CLTCL1: variants seen among roughly 807,000 people sequenced by gnomAD.
CLTCL1 encodes the protein clathrin heavy chain like 1, also known as clathrin heavy chain 2.
In CLTCL1, 159 loss-of-function variants were observed where a neutral mutation model predicts 190.0. That is an observed-to-expected ratio of 0.84 (90% CI 0.74 to 0.95). The LOEUF is 0.95. Among genes scored for constraint, CLTCL1 ranks in the 40% least tolerant of loss-of-function variants. CLTCL1 has a pLI of 0.00. For missense variants in CLTCL1, 1,878 were observed against 2,033.4 expected, an observed-to-expected ratio of 0.92 and a Z score of 1.47; for synonymous variants, 752 against 769.6, an observed-to-expected ratio of 0.98 and a Z score of 0.38.
chr22:19,255,909 C>CA (rs545204392), intron 2 of CLTCL1, among the ~76,000 whole-genome samples: 2,915 of 72,332 alleles, frequency 0.04, 92 homozygotes, highest in African/African-American at 0.11. Context: ...GACTCTGTCT[C>CA]AAAAAAAAAA....
At chr22:19,270,568 A>G (rs2518861) in intron 2 of CLTCL1, among the ~76,000 whole-genome samples, 1 of 151,770 alleles carries the variant, frequency 6.6e-6, no homozygotes, top group South Asian at 2.1e-4. Context: ...TCTACTAAAA[A>G]TACAAAAAAT....
chr22:19,217,068 T>C (rs1274129236), intron 18 of CLTCL1, among the ~76,000 whole-genome samples: 4 of 152,152 alleles, frequency 2.6e-5, no homozygotes, highest in Non-Finnish European at 5.9e-5. Flanking sequence ...TAAAGGAACC[T>C]AGGGTCAAGG....
Position 19,183,432 on chromosome 22 carries a change from G to A in CLTCL1, c.4785C>T (p.Ala1595=), listed in dbSNP as rs782637836. 1.5e-5 allele frequency: 25 copies of A among 1,613,484 alleles called. No homozygotes were observed. Among genetic ancestry groups the A allele is most frequent in the Non-Finnish European group, 2.0e-5 (24 of 1,179,900 alleles). Residue 1595 remains alanine (A), a synonymous_variant, in exon 30 of 33, where the codon GCC becomes GCT. Transcript: ENST00000427926. ...LAWRHNLVDL[A]MPYFIQVMRE... ...TCATCACCTGGATGAAGTAGGGCATGGCCAAGTCCACGAGGTTGTGCCTCC... is the reference window on the plus strand; with the variant it reads ...TCATCACCTGGATGAAGTAGGGCATAGCCAAGTCCACGAGGTTGTGCCTCC...
chr22:19,185,066 A>ACACGCTGT (rs1367056909), intron 29 of CLTCL1, among the ~76,000 whole-genome samples: 1 of 152,244 alleles, frequency 6.6e-6, no homozygotes, highest in Non-Finnish European at 1.5e-5. Context: ...CCCTGACTGG[A>ACACGCTGT]CACGCTGTGA....
intron 29 of CLTCL1, among the ~76,000 whole-genome samples, chr22:19,185,719 C>A (rs921900238): frequency 6.6e-6 from 1 of 152,232 alleles, no homozygotes; most frequent in East Asian, 1.9e-4. Flanking sequence ...GGCCAGTAGG[C>A]CTCTGGCAGC....
chr22:19,219,354 T>C (rs191855734), intron 18 of CLTCL1, among the ~76,000 whole-genome samples: 1 of 151,322 alleles, frequency 6.6e-6, no homozygotes, highest in East Asian at 1.9e-4. Context: ...ACAGTGTGTT[T>C]TCGTATTTTT....
chr22:19,268,816 C>A (rs181538660), intron 2 of CLTCL1, among the ~76,000 whole-genome samples: 15 of 152,256 alleles, frequency 9.9e-5, no homozygotes, highest in African/African-American at 3.4e-4. Context: ...TAAACAGGGC[C>A]AGGTGCAGTG....
intron 1 of CLTCL1, among the ~76,000 whole-genome samples, chr22:19,288,065 A>G (rs2087970771): frequency 1.3e-5 from 2 of 152,194 alleles, no homozygotes; most frequent in African/African-American, 2.4e-5. Flanking sequence ...CAGCCCACCC[A>G]GGACGTGAAT....
intron 4 of CLTCL1, among the ~76,000 whole-genome samples, chr22:19,242,068 G>T (rs576068844): frequency 1.9e-4 from 29 of 149,806 alleles, no homozygotes; most frequent in African/African-American, 6.9e-4. Flanking sequence ...TCAGCCTCCT[G>T]AGTAGCTGGG....
At chr22:19,283,356 C>T (rs1555988149) in intron 1 of CLTCL1, among the ~76,000 whole-genome samples, 1 of 151,898 alleles carries the variant, frequency 6.6e-6, no homozygotes, top group Admixed American at 6.6e-5. Flanking sequence ...TCTTGGCTTA[C>T]TGCAAAGTCT....
At chr22:19,191,233 T>A in intron 27 of CLTCL1, 71 bp downstream of exon 27, 1 of 1,576,080 alleles carries the variant, frequency 6.3e-7, no homozygotes, top group East Asian at 2.2e-5. Flanking sequence ...TTTATAAAGG[T>A]GCTATCATTC....
intron 26 of CLTCL1, among the ~76,000 whole-genome samples, chr22:19,194,719 G>C (rs2084640258): frequency 6.6e-6 from 1 of 152,220 alleles, no homozygotes; most frequent in Admixed American, 6.5e-5. Flanking sequence ...GACAGTGAAT[G>C]GCTGAGCTGG....
At chr22:19,278,072 G>GA (rs2087579104) in intron 1 of CLTCL1, among the ~76,000 whole-genome samples, 1 of 152,188 alleles carries the variant, frequency 6.6e-6, no homozygotes, top group South Asian at 2.1e-4. Flanking sequence ...GGCGCATAGA[G>GA]AAAGGCGCGA....
chr22:19,227,275 A>ATC, intron 11 of CLTCL1, among the ~76,000 whole-genome samples: 1 of 145,828 alleles, frequency 6.9e-6, no homozygotes, highest in East Asian at 2.0e-4. Context: ...GAGGCATAAA[A>ATC]TCTTTTTTTT....
At chr22:19,223,479 T>A (rs1481336790) in intron 14 of CLTCL1, among the ~76,000 whole-genome samples, 1 of 151,978 alleles carries the variant, frequency 6.6e-6, no homozygotes, top group Non-Finnish European at 1.5e-5. Flanking sequence ...ATGAAGCTGG[T>A]CCTTGAAGTA....
intron 26 of CLTCL1, among the ~76,000 whole-genome samples, chr22:19,192,670 G>T (rs1490125251): frequency 1.3e-5 from 2 of 152,194 alleles, no homozygotes; most frequent in Non-Finnish European, 2.9e-5. Flanking sequence ...ATGGCTTACT[G>T]GCCACTTCAG....
At chr22:19,262,766 C>T (rs1361857809) in intron 2 of CLTCL1, among the ~76,000 whole-genome samples, 3 of 152,110 alleles carry the variant, frequency 2.0e-5, no homozygotes, top group African/African-American at 4.8e-5. Flanking sequence ...TACAGTGGCT[C>T]ATGCCTGTAA....
chr22:19,210,642 G>C (rs138271373), intron 19 of CLTCL1, 133 bp from the exon 20 acceptor site: 1 of 637,856 alleles, frequency 1.6e-6, no homozygotes, highest in Admixed American at 3.0e-5. Context: ...TAACTGCTAA[G>C]TAAATACAAC....
In CLTCL1 at chr22:19,179,709, C is replaced by T. The variant is rs879960848; in HGVS notation, c.*281G>A. On this transcript the variant is annotated 3_prime_UTR_variant, in exon 33 of 33. Transcript: ENST00000427926. The stretch of plus-strand genomic sequence containing the variant: ...TTGCGCCGTCAGCCTCTACCCTGGC[C>T]TCCCCAGGCTCTGGGATGGCTCAGA... 8.3e-5 allele frequency: 14 copies of T among 168,216 alleles called. No homozygotes were observed. Among genetic ancestry groups the T allele is most frequent in the Admixed American group, 7.9e-4 (14 of 17,792 alleles). 10.4% of individuals were successfully genotyped at this position (168,216 alleles called of 1,614,324 possible).
Sources: gnomAD v4.1 joint callset for allele counts (sites outside exome capture counted in the v4.1 genomes callset) on GRCh38, gnomAD v4.1.1 for gene constraint, MANE v1.5 for transcripts, NCBI Gene and HGNC (gene_info 2026-07-23, HGNC 2026-07-21) for gene names.